Variants in NCAM2 observed in about 807,000 individuals in gnomAD.
The protein encoded by NCAM2 is neural cell adhesion molecule 2.
Under a neutral mutation model 98.1 loss-of-function variants are expected in NCAM2, and 30 were observed. The observed-to-expected ratio is 0.31, with a 90% CI of 0.23 to 0.41. NCAM2 has a LOEUF of 0.41. Among genes scored for constraint, NCAM2 ranks in the 10% least tolerant of loss-of-function variants. NCAM2 has a pLI of 1.00. For synonymous variants in NCAM2, 368 were observed against 342.4 expected (o/e 1.07, Z -0.83); for missense variants, 867 against 1,005.8 (o/e 0.86, Z 1.87).
intron 8 of NCAM2, among the ~76,000 whole-genome samples, chr21:21,343,578 G>T (rs908860080): frequency 1.3e-5 from 2 of 152,112 alleles, no homozygotes; most frequent in Admixed American, 6.6e-5. Context: ...GGAGGAGAGA[G>T]AACATAGCAA....
At chr21:21,019,515 G>C (rs2064384472) in intron 1 of NCAM2, among the ~76,000 whole-genome samples, 1 of 152,118 alleles carries the variant, frequency 6.6e-6, no homozygotes, top group South Asian at 2.1e-4. Flanking sequence ...AGAATATTAA[G>C]AGTGTTCCTT....
At chr21:21,441,070 C>T (rs988554799) in intron 12 of NCAM2, among the ~76,000 whole-genome samples, 4 of 152,270 alleles carry the variant, frequency 2.6e-5, no homozygotes, top group South Asian at 2.1e-4. Flanking sequence ...CTCTCTTGCT[C>T]ATCATACTTC....
intron 1 of NCAM2, among the ~76,000 whole-genome samples, chr21:21,048,839 G>A (rs983239935): frequency 6.6e-6 from 1 of 151,946 alleles, no homozygotes; most frequent in African/African-American, 2.4e-5. Flanking sequence ...GACTCTTTTC[G>A]TCAACATTTT....
chr21:21,081,348 C>T lies in NCAM2; in HGVS notation c.55+82730C>T, dbSNP rs73220248. 6.1e-3 allele frequency among the ~76,000 whole-genome samples: 921 copies of T among 152,168 alleles called. 1 individual carries two copies. The highest frequency in any genetic ancestry group is 9.7e-3 in the Non-Finnish European group (663 of 68,008). ...TTGGGAGAGTGCCTTTCCCTGATGCCGGCTGTCACCAAGTATTATTTTAGA... is the reference window on the plus strand; with the variant it reads ...TTGGGAGAGTGCCTTTCCCTGATGCTGGCTGTCACCAAGTATTATTTTAGA... On this transcript the variant is annotated intron_variant, in intron 1 of 17. Transcript: ENST00000400546.
intron 1 of NCAM2, among the ~76,000 whole-genome samples, chr21:21,165,556 G>A (rs949055233): frequency 4.6e-5 from 7 of 152,106 alleles, no homozygotes; most frequent in Admixed American, 1.3e-4. Flanking sequence ...CTAAGGAATA[G>A]GTTGTCTCTG....
At chr21:21,265,709 C>T (rs936582879) in intron 1 of NCAM2, among the ~76,000 whole-genome samples, 1 of 151,338 alleles carries the variant, frequency 6.6e-6, no homozygotes, top group Admixed American at 6.6e-5. Flanking sequence ...AGCTAAGCAA[C>T]GGATACACAT....
intron 10 of NCAM2, among the ~76,000 whole-genome samples, chr21:21,413,734 T>A (rs1217058881): frequency 6.6e-6 from 1 of 152,232 alleles, no homozygotes; most frequent in Non-Finnish European, 1.5e-5. Flanking sequence ...AAGTTGTAAC[T>A]TTTTTCATTG....
At chr21:21,512,817 T>G (rs1236842764) in intron 16 of NCAM2, among the ~76,000 whole-genome samples, 1 of 152,084 alleles carries the variant, frequency 6.6e-6, no homozygotes, top group Non-Finnish European at 1.5e-5. Flanking sequence ...CTTAAGTTAA[T>G]TCCTAGGTAT....
At chr21:21,263,176 T>C (rs2071990045) in intron 1 of NCAM2, among the ~76,000 whole-genome samples, 2 of 152,080 alleles carry the variant, frequency 1.3e-5, no homozygotes, top group African/African-American at 2.4e-5. Context: ...ACAAAATTAA[T>C]GTGCAAAAAT....
At chr21:21,480,750 G>GA (rs2036667796) in intron 15 of NCAM2, among the ~76,000 whole-genome samples, 1 of 152,164 alleles carries the variant, frequency 6.6e-6, no homozygotes, top group Non-Finnish European at 1.5e-5. Context: ...AACAGCGGTA[G>GA]AAAAAATAAA....
At chr21:21,492,042 T>G (rs1229390933) in intron 15 of NCAM2, among the ~76,000 whole-genome samples, 1 of 151,704 alleles carries the variant, frequency 6.6e-6, no homozygotes, top group Admixed American at 6.6e-5. Context: ...ATATATTACT[T>G]TATTAATTTT....
rs543977892 is a variant in NCAM2 at position 21,405,921 on chromosome 21, A to G, written c.1196-4353A>G. ...CCATTCATAATTTTAAATTAACTGT[A>G]GCTTTTTATTTTAACTCTCATATTT... On this transcript the variant is annotated intron_variant, in intron 9 of 17. Transcript: ENST00000400546. Among the ~76,000 whole-genome samples the G allele has an allele frequency of 3.3e-5, 5 of 152,292 alleles. No individual in the cohort carries two copies. The South Asian group carries it at 1.0e-3, about 32-fold the overall frequency.
chr21:21,032,058 G>A (rs2064696319), intron 1 of NCAM2, among the ~76,000 whole-genome samples: 2 of 152,040 alleles, frequency 1.3e-5, no homozygotes, highest in African/African-American at 4.8e-5. Context: ...AGTTTATCAG[G>A]CACCACTATT....
rs1232456844 is a variant in NCAM2 at position 21,262,664 on chromosome 21, A to AAAC, written c.56-17912_56-17911insCAA. 1.3e-5 allele frequency among the ~76,000 whole-genome samples: 2 copies of AAAC among 149,092 alleles called. 1 individual carries two copies. The highest frequency in any genetic ancestry group is 1.3e-4 in the Admixed American group (2 of 15,108). On this transcript the variant is annotated intron_variant, in intron 1 of 17. Coordinates refer to ENST00000400546, the MANE Select transcript of NCAM2 (RefSeq NM_004540.5). ...CCTAGCCAGAACAATCAGTCAAAAA[A>AAAC]AAAAAAAAAAAAAAGATGTCTTGCA...
At chr21:21,332,206 C>T (rs1244484876) in intron 6 of NCAM2, among the ~76,000 whole-genome samples, 3 of 152,082 alleles carry the variant, frequency 2.0e-5, no homozygotes, top group Admixed American at 6.6e-5. Context: ...CCATGCCCAG[C>T]CAGGAATTTT....
At chr21:21,240,976 A>G (rs990573246) in intron 1 of NCAM2, among the ~76,000 whole-genome samples, 3 of 152,178 alleles carry the variant, frequency 2.0e-5, no homozygotes, top group African/African-American at 7.2e-5. Flanking sequence ...TGTTAGCAGT[A>G]TCATGTTATA....
At position 21,432,160 on chromosome 21, in the gene NCAM2, G is replaced by A. The variant is rs759573294; in HGVS notation, c.1533G>A (p.Thr511=). Residue 511 remains threonine (T), a synonymous_variant, in exon 12 of 18, where the codon ACG becomes ACA. Coordinates refer to ENST00000400546, the MANE Select transcript of NCAM2 (RefSeq NM_004540.5). ...AGATCATAGAGCTGTCGCAGACCAC[G>A]GCCAAGGTTTCCTTCAACAAACCGG... ...GVKIIELSQT[T]AKVSFNKPDS... The A allele has an allele frequency of 6.2e-6, 10 of 1,613,858 alleles. No homozygotes were observed. Among genetic ancestry groups the A allele is most frequent in the South Asian group, 3.3e-5 (3 of 91,088 alleles).
chr21:21,203,918 A>G (rs1312746153), intron 1 of NCAM2, among the ~76,000 whole-genome samples: 1 of 152,160 alleles, frequency 6.6e-6, no homozygotes, highest in Non-Finnish European at 1.5e-5. Context: ...AGCTATGCCA[A>G]TATGTAATCA....
intron 9 of NCAM2, among the ~76,000 whole-genome samples, chr21:21,390,140 G>A (rs962378700): frequency 6.6e-6 from 1 of 152,000 alleles, no homozygotes; most frequent in Non-Finnish European, 1.5e-5. Flanking sequence ...GAGCCACCGC[G>A]CCACCTGGCT....
Sources: gnomAD v4.1 joint callset for allele counts (sites outside exome capture counted in the v4.1 genomes callset) on GRCh38, gnomAD v4.1.1 for gene constraint, MANE v1.5 for transcripts, NCBI Gene and HGNC (gene_info 2026-07-23, HGNC 2026-07-21) for gene names.